The following RASSF4 variants were observed in gnomAD, a reference collection of about 807,000 sequenced individuals.
RASSF4 encodes Ras association domain family member 4.
In RASSF4, 38 loss-of-function variants were observed where a neutral mutation model predicts 41.1. That is an observed-to-expected ratio of 0.92 (90% CI 0.71 to 1.21). The LOEUF is 1.21. Among genes scored for constraint, RASSF4 ranks in the 50% most tolerant of loss-of-function variants. The pLI is 0.00. For missense variants in RASSF4, 414 were observed against 419.4 expected (o/e 0.99, Z 0.11); for synonymous variants, 179 against 163.4 (o/e 1.10, Z -0.73).
intron 1 of RASSF4, among the ~76,000 whole-genome samples, chr10:44,963,032 C>T (rs1485535052): frequency 1.3e-5 from 2 of 152,154 alleles, no homozygotes; most frequent in South Asian, 2.1e-4. Flanking sequence ...AGGCCAGAAC[C>T]GCAGCGGGGA....
chr10:44,964,130 T>C (rs2132760718), intron 1 of RASSF4, among the ~76,000 whole-genome samples: 1 of 152,382 alleles, frequency 6.6e-6, no homozygotes, highest in South Asian at 2.1e-4. Context: ...TCGGCGGCCT[T>C]TGTCCCTCAG....
At chr10:44,968,718 G>A (rs756865459) in intron 1 of RASSF4, among the ~76,000 whole-genome samples, 7 of 152,204 alleles carry the variant, frequency 4.6e-5, no homozygotes, top group Non-Finnish European at 7.3e-5. Flanking sequence ...AAATACGACA[G>A]CAGGTGGAGC....
intron 3 of RASSF4, among the ~76,000 whole-genome samples, chr10:44,975,474 A>T (rs572969662): frequency 1.9e-4 from 2 of 10,368 alleles, no homozygotes; most frequent in Admixed American, 9.4e-4. Context: ...TCCCACCCCC[A>T]CCCCCACTTC....
intron 3 of RASSF4, chr10:44,976,254 T>G (rs779522783): frequency 6.6e-6 from 1 of 152,260 alleles, no homozygotes; most frequent in Non-Finnish European, 1.5e-5. Context: ...ATAAGGAAAC[T>G]GGGTAATTGC....
At chr10:44,990,772 C>G (rs1588849100) in intron 8 of RASSF4, 176 bp from the exon 9 acceptor site, 1 of 545,098 alleles carries the variant, frequency 1.8e-6, no homozygotes, top group Non-Finnish European at 3.2e-6. Flanking sequence ...TCTGGGGGCC[C>G]TGTTCTGCCT....
intron 6 of RASSF4, among the ~76,000 whole-genome samples, chr10:44,987,587 G>A (rs1841965492): frequency 6.9e-6 from 1 of 145,804 alleles, no homozygotes. Context: ...GCAAATGGAA[G>A]GTTGCTGTTC....
At chr10:44,980,113 G>A (rs1426592811) in intron 3 of RASSF4, among the ~76,000 whole-genome samples, 1 of 152,190 alleles carries the variant, frequency 6.6e-6, no homozygotes, top group Admixed American at 6.5e-5. Flanking sequence ...CCAAGCCTGA[G>A]CTCTGAGTAC....
chr10:44,977,552 T>C lies in RASSF4; in HGVS notation c.139-4969T>C, dbSNP rs749005637. 1.1e-5 allele frequency: 18 copies of C among 1,613,382 alleles called. No individual in the cohort carries two copies. The South Asian group carries it at 1.5e-4, about 14-fold the overall frequency. ...ATCCTGCGGTGGTCTTGCCAGGGAA[T>C]GCCCAGGCATCCTGGCTTCACAGAG... is the stretch of plus-strand genomic sequence containing the variant. On this transcript the variant is annotated intron_variant, in intron 3 of 10. Transcript: ENST00000340258.
intron 6 of RASSF4, among the ~76,000 whole-genome samples, chr10:44,986,188 G>A (rs533175002): frequency 7.5e-4 from 114 of 152,294 alleles, no homozygotes; most frequent in African/African-American, 2.2e-3. Flanking sequence ...CAAAAAAAGG[G>A]TGGGGGCAGG....
chr10:44,977,963 A>C, intron 3 of RASSF4: 1 of 1,612,030 alleles, frequency 6.2e-7, no homozygotes, highest in Non-Finnish European at 8.5e-7. Flanking sequence ...ACCCCCAAGC[A>C]GCATCTCCTC....
chr10:44,992,044 A>AT, intron 10 of RASSF4, 42 bp downstream of exon 10: 5 of 1,341,666 alleles, frequency 3.7e-6, no homozygotes, highest in Non-Finnish European at 5.3e-6. Flanking sequence ...CCTGAACATC[A>AT]GGGCAGGTCT....
At position 44,984,935 on chromosome 10, in the gene RASSF4, C is replaced by G. The variant is rs371003042; in HGVS notation, c.496C>G (p.Arg166Gly). The change falls in exon 6 of 11, where the codon CGG becomes GGG. Residue 166 changes from arginine to glycine, a missense_variant. Coordinates refer to ENST00000340258, the MANE Select transcript of RASSF4 (RefSeq NM_032023.4). ...PGEAQRIRRH[R>G]FSINGHFYNH... The stretch of plus-strand genomic sequence containing the variant: ...TGAGGCCCAGCGCATCCGGCGACAC[C>G]GGTTCTCTATCAACGGCCACTTCTA... 6.2e-7 allele frequency: 1 copy of G among 1,613,212 alleles called. No homozygotes were observed. Among genetic ancestry groups the G allele is most frequent in the African/African-American group, 1.3e-5 (1 of 75,066 alleles).
At chr10:44,986,364 G>C (rs925004585) in intron 6 of RASSF4, among the ~76,000 whole-genome samples, 8 of 152,182 alleles carry the variant, frequency 5.3e-5, no homozygotes, top group African/African-American at 1.7e-4. Flanking sequence ...TGCATGTCCT[G>C]AGCACTCTGC....
At chr10:44,961,322 C>A (rs1243359292) in intron 1 of RASSF4, among the ~76,000 whole-genome samples, 1 of 152,228 alleles carries the variant, frequency 6.6e-6, no homozygotes, top group Non-Finnish European at 1.5e-5. Flanking sequence ...GAATCAAGGT[C>A]CAGGGTCGCC....
chr10:44,970,179 G>C lies in RASSF4; in HGVS notation c.-24G>C, dbSNP rs750169735. On this transcript the variant is annotated 5_prime_UTR_variant, in exon 2 of 11. Transcript: ENST00000340258. ...TGTCTTCCCAGCAAGTAACTTCTAG[G>C]TCTGCAGACAAGAGGAAGAGAAGAT... 8 of 1,608,610 alleles carry C rather than the reference G, an allele frequency of 5.0e-6. No homozygotes were observed. Among genetic ancestry groups the C allele is most frequent in the Non-Finnish European group, 6.8e-6 (8 of 1,175,132 alleles).
At chr10:44,970,773 G>A in intron 2 of RASSF4, 1 of 154,120 alleles carries the variant, frequency 6.5e-6, no homozygotes, top group Admixed American at 6.4e-5. Context: ...CTTCCAGGGA[G>A]GCCTCAAGGA....
chr10:44,992,040 CAT>C, intron 10 of RASSF4, 38 bp downstream of exon 10: 5 of 1,365,620 alleles, frequency 3.7e-6, no homozygotes, highest in Non-Finnish European at 5.2e-6. Context: ...GGGTCCTGAA[CAT>C]CAGGGCAGGT....
intron 6 of RASSF4, among the ~76,000 whole-genome samples, chr10:44,985,605 G>A (rs531818942): frequency 3.1e-4 from 47 of 152,328 alleles, no homozygotes; most frequent in African/African-American, 1.0e-3. Context: ...AATGCAAGCC[G>A]AGATTTCCAG....
chr10:44,982,405 G>C, intron 3 of RASSF4, 116 bp from the exon 4 acceptor site: 1 of 1,288,162 alleles, frequency 7.8e-7, no homozygotes, highest in African/African-American at 1.5e-5. Flanking sequence ...AGGGGATGGG[G>C]CCACTCAGGA....
Sources: gnomAD v4.1 joint callset for allele counts (sites outside exome capture counted in the v4.1 genomes callset) on GRCh38, gnomAD v4.1.1 for gene constraint, MANE v1.5 for transcripts, NCBI Gene and HGNC (gene_info 2026-07-23, HGNC 2026-07-21) for gene names.